GUCY1A2: variants seen among roughly 807,000 people sequenced by gnomAD.
GUCY1A2 encodes guanylate cyclase 1 soluble subunit alpha 2, also known as guanylate cyclase soluble subunit alpha-2.
In GUCY1A2, 27 loss-of-function variants were observed where a neutral mutation model predicts 63.5. The ratio of observed to expected loss-of-function variants is 0.43; its 90% CI spans 0.31 to 0.59. The LOEUF (loss-of-function observed/expected upper bound fraction) is 0.59, where lower values mean the gene tolerates loss of function less well. Ranked by LOEUF, GUCY1A2 falls within the 20% of genes least tolerant of loss-of-function variation. The pLI, the probability that GUCY1A2 is intolerant of heterozygous loss-of-function variation, is 0.11. For synonymous variants in GUCY1A2, 364 were observed against 343.5 expected (o/e 1.06, Z -0.66); for missense variants, 768 against 913.3 (o/e 0.84, Z 2.05).
At chr11:106,749,981 T>G (rs1459889218) in intron 6 of GUCY1A2, among the ~76,000 whole-genome samples, 1 of 152,052 alleles carries the variant, frequency 6.6e-6, no homozygotes, top group Non-Finnish European at 1.5e-5. Context: ...GAGAATTGGA[T>G]CACATCATTA....
chr11:106,891,024 A>C (rs894068480), intron 4 of GUCY1A2, among the ~76,000 whole-genome samples: 1 of 152,158 alleles, frequency 6.6e-6, no homozygotes, highest in Non-Finnish European at 1.5e-5. Flanking sequence ...ATAGGGTAGA[A>C]GTATGATTAA....
At chr11:106,803,029 G>T (rs1031049294) in intron 5 of GUCY1A2, among the ~76,000 whole-genome samples, 3 of 152,084 alleles carry the variant, frequency 2.0e-5, no homozygotes, top group Non-Finnish European at 4.4e-5. Context: ...GAAAAATTCA[G>T]CAAGACACAT....
At chr11:106,799,249 A>T (rs1156828269) in intron 5 of GUCY1A2, among the ~76,000 whole-genome samples, 8 of 152,218 alleles carry the variant, frequency 5.3e-5, no homozygotes, top group Admixed American at 5.2e-4. Flanking sequence ...ATAAAAGAGG[A>T]CACAAACAAA....
intron 7 of GUCY1A2, among the ~76,000 whole-genome samples, chr11:106,693,507 C>T (rs1200571831): frequency 6.6e-6 from 1 of 152,000 alleles, no homozygotes; most frequent in African/African-American, 2.4e-5. Context: ...CCTTTTGAAC[C>T]TTTTGACGTA....
chr11:106,910,419 T>C, intron 4 of GUCY1A2, among the ~76,000 whole-genome samples: 1 of 151,978 alleles, frequency 6.6e-6, no homozygotes, highest in East Asian at 1.9e-4. Context: ...TCTAGGAACA[T>C]TTTTTTGTAA....
chr11:106,948,981 CAT>C (rs1860867708), intron 3 of GUCY1A2, among the ~76,000 whole-genome samples: 1 of 152,000 alleles, frequency 6.6e-6, no homozygotes, highest in East Asian at 1.9e-4. Context: ...AACAAGCAAA[CAT>C]ATAAAAAAGA....
chr11:106,969,443 A>T (rs1027787467), intron 3 of GUCY1A2, among the ~76,000 whole-genome samples: 1 of 152,186 alleles, frequency 6.6e-6, no homozygotes, highest in Non-Finnish European at 1.5e-5. Context: ...ATGGACAAAA[A>T]CATCAGCCTC....
At chr11:106,703,940 A>G (rs1001010802) in intron 7 of GUCY1A2, among the ~76,000 whole-genome samples, 1 of 152,120 alleles carries the variant, frequency 6.6e-6, no homozygotes, top group African/African-American at 2.4e-5. Flanking sequence ...TGAATTAATT[A>G]TGTACCTTAG....
chr11:106,786,884 T>C (rs1864564782), intron 5 of GUCY1A2, among the ~76,000 whole-genome samples: 2 of 152,236 alleles, frequency 1.3e-5, no homozygotes, highest in South Asian at 2.1e-4. Context: ...ACTCACTCTT[T>C]AGAAAATAAT....
intron 5 of GUCY1A2, among the ~76,000 whole-genome samples, chr11:106,782,683 G>GTCTT (rs1297012970): frequency 6.6e-6 from 1 of 152,172 alleles, no homozygotes; most frequent in African/African-American, 2.4e-5. Context: ...AGTTGTGGAA[G>GTCTT]TCTTTGGTGA....
intron 5 of GUCY1A2, among the ~76,000 whole-genome samples, chr11:106,786,031 T>C (rs1864550248): frequency 6.6e-6 from 1 of 152,162 alleles, no homozygotes; most frequent in African/African-American, 2.4e-5. Flanking sequence ...AAGTGCAGAC[T>C]ACAACAACCA....
At chr11:106,949,624 G>A (rs547506392) in intron 3 of GUCY1A2, among the ~76,000 whole-genome samples, 50 of 152,112 alleles carry the variant, frequency 3.3e-4, no homozygotes, top group African/African-American at 9.4e-4. Context: ...ATTACCCCCA[G>A]CCTAATATTT....
chr11:106,978,935 A>G (rs1196078801), intron 2 of GUCY1A2, among the ~76,000 whole-genome samples, 195 bp from the exon 3 acceptor site: 5 of 152,188 alleles, frequency 3.3e-5, no homozygotes, highest in Non-Finnish European at 5.9e-5. Flanking sequence ...CTGGAACTGG[A>G]GGCAACTGTT....
intron 5 of GUCY1A2, among the ~76,000 whole-genome samples, chr11:106,786,150 A>G (rs1031448362): frequency 6.6e-6 from 1 of 152,214 alleles, no homozygotes. Flanking sequence ...AAACACACCC[A>G]AGCTCATTGT....
chr11:106,814,082 T>G (rs1043252443), intron 4 of GUCY1A2, among the ~76,000 whole-genome samples: 2 of 152,066 alleles, frequency 1.3e-5, no homozygotes, highest in African/African-American at 4.8e-5. Flanking sequence ...GCGAAGCAAT[T>G]ACAATTTTAA....
intron 7 of GUCY1A2, among the ~76,000 whole-genome samples, chr11:106,698,974 A>C (rs1285554361): frequency 6.6e-6 from 1 of 152,210 alleles, no homozygotes; most frequent in Non-Finnish European, 1.5e-5. Flanking sequence ...AGCACATGTG[A>C]GTATGCAAAG....
At position 106,833,044 on chromosome 11, in the gene GUCY1A2, C is replaced by T. The variant is rs993508210; in HGVS notation, c.1207-22566G>A. On this transcript the variant is annotated intron_variant, in intron 4 of 7. Transcript: ENST00000526355. ...CTGAGATCATGGTGTTGACAGATCT[C>T]CATTCTCTCTCCTAGGTTCTGGTAG... 1.8e-4 allele frequency among the ~76,000 whole-genome samples: 27 copies of T among 151,970 alleles called. 1 individual carries two copies. Among genetic ancestry groups the T allele is most frequent in the Non-Finnish European group, 1.5e-5 (1 of 67,990 alleles).
chr11:106,990,930 C>T (rs191367569), intron 1 of GUCY1A2, among the ~76,000 whole-genome samples: 1 of 152,196 alleles, frequency 6.6e-6, no homozygotes, highest in African/African-American at 2.4e-5. Context: ...CATATACTCA[C>T]AAGACACAAA....
At position 106,856,810 on chromosome 11, in the gene GUCY1A2, T is replaced by C. The variant is rs544685841; in HGVS notation, c.1207-46332A>G. On this transcript the variant is annotated intron_variant, in intron 4 of 7. Transcript: ENST00000526355. ...CCATTACTCTTTCTTCTAAACTCTA[T>C]AGCACCAAAAGTAGAAGGCAGAGCT... Among the ~76,000 whole-genome samples, 5 of 152,250 alleles carry C rather than the reference T, an allele frequency of 3.3e-5. No homozygotes were observed. In the South Asian group the frequency reaches 8.3e-4, roughly 25 times the overall value.
Sources: allele counts gnomAD v4.1 joint callset (sites outside exome capture counted in the v4.1 genomes callset), GRCh38; gene constraint gnomAD v4.1.1; transcripts MANE v1.5; gene names NCBI Gene and HGNC (gene_info 2026-07-23, HGNC 2026-07-21).